Variants in TINAG observed in about 807,000 individuals in gnomAD.
TINAG encodes the protein tubulointerstitial nephritis antigen.
A neutral mutation model predicts 72.7 loss-of-function variants in TINAG; 83 were observed. The observed-to-expected ratio is 1.14, with a 90% CI of 0.96 to 1.37. The LOEUF (loss-of-function observed/expected upper bound fraction) is 1.37. TINAG is among the 40% of genes most tolerant of loss of function. The pLI is 0.00. For synonymous variants in TINAG, 234 were observed against 189.9 expected (o/e 1.23, Z -1.91); for missense variants, 685 against 576.6 (o/e 1.19, Z -1.93).
At chr6:54,325,931 A>C (rs546172103) in intron 3 of TINAG, among the ~76,000 whole-genome samples, 3 of 152,312 alleles carry the variant, frequency 2.0e-5, no homozygotes, top group African/African-American at 7.2e-5. Context: ...TCAATGATTC[A>C]TAAGAGCCTA....
Position 54,351,374 on chromosome 6 carries a change from T to C in TINAG, c.1103T>C (p.Ile368Thr), listed in dbSNP as rs774708520. The C allele has an allele frequency of 1.4e-4, 219 of 1,610,178 alleles. No homozygotes were observed. The highest frequency in any genetic ancestry group is 1.8e-4 in the Non-Finnish European group (213 of 1,177,840). ...SSNETEIMKE[I>T]MQNGPVQAIM... ...CAGGAAACTGAGATAATGAAAGAAA[T>C]CATGCAAAATGGACCAGTTCAAGGT... The change falls in exon 8 of 11, where the codon ATC (isoleucine) becomes ACC (threonine). Residue 368 changes from isoleucine to threonine, a missense_variant. Physicochemically the swap from Ile to Thr is moderately conservative, Grantham distance 89. Transcript: ENST00000259782.
intron 4 of TINAG, among the ~76,000 whole-genome samples, chr6:54,335,407 A>G (rs1222546350): frequency 3.9e-5 from 6 of 152,198 alleles, no homozygotes; most frequent in Non-Finnish European, 8.8e-5. Context: ...AAGTAATTCC[A>G]GGAAAGCAAT....
chr6:54,355,215 A>T (rs1182596899), intron 9 of TINAG, among the ~76,000 whole-genome samples: 1 of 151,872 alleles, frequency 6.6e-6, no homozygotes, highest in Non-Finnish European at 1.5e-5. Flanking sequence ...TGGTTATGAG[A>T]CCACTTTCCC....
chr6:54,350,960 A>C (rs973477717), intron 7 of TINAG, among the ~76,000 whole-genome samples: 1 of 151,890 alleles, frequency 6.6e-6, no homozygotes, highest in African/African-American at 2.4e-5. Context: ...AGAGGGCTTC[A>C]TTAAACATTA....
chr6:54,318,723 G>C (rs956207816), intron 1 of TINAG, among the ~76,000 whole-genome samples: 3 of 152,126 alleles, frequency 2.0e-5, no homozygotes, highest in Admixed American at 6.6e-5. Context: ...TGTAAATGCT[G>C]TGTGGGAAAT....
intron 4 of TINAG, among the ~76,000 whole-genome samples, chr6:54,342,927 C>T (rs950334706): frequency 7.2e-5 from 11 of 152,074 alleles, no homozygotes; most frequent in Non-Finnish European, 2.9e-5. Context: ...TATGGATGAG[C>T]AAAACTCTGA....
At chr6:54,385,358 T>A (rs1244802369) in intron 10 of TINAG, among the ~76,000 whole-genome samples, 1 of 151,996 alleles carries the variant, frequency 6.6e-6, no homozygotes, top group African/African-American at 2.4e-5. Context: ...TAAGAGGATA[T>A]TATTAAAAAG....
intron 1 of TINAG, among the ~76,000 whole-genome samples, chr6:54,320,286 T>A (rs1222989778): frequency 6.6e-6 from 1 of 152,076 alleles, no homozygotes; most frequent in African/African-American, 2.4e-5. Context: ...TTAAAAGCAT[T>A]AATTATTTTT....
upstream of TINAG, chr6:54,307,919 T>G: frequency 1.1e-6 from 1 of 902,316 alleles, no homozygotes; most frequent in Non-Finnish European, 1.7e-6. Flanking sequence ...CTCAGGGAAT[T>G]TCTTGCTGAA....
intron 3 of TINAG, among the ~76,000 whole-genome samples, chr6:54,325,829 C>T (rs761398012): frequency 1.1e-4 from 16 of 152,076 alleles, no homozygotes; most frequent in Non-Finnish European, 1.8e-4. Context: ...TAAATTGTAA[C>T]CAAGTTTCTA....
At chr6:54,363,215 G>A (rs958503577) in intron 9 of TINAG, among the ~76,000 whole-genome samples, 2 of 151,612 alleles carry the variant, frequency 1.3e-5, no homozygotes, top group African/African-American at 4.8e-5. Flanking sequence ...TTTTGTCGAG[G>A]ATGTTAAGTA....
chr6:54,343,411 G>A lies in TINAG; in HGVS notation c.748+62G>A, dbSNP rs1167851768. The stretch of plus-strand genomic sequence containing the variant: ...CTCCTTTTGGCTCTAGAGACTGAGA[G>A]AATAATTGAACAATTTTAACAATTA... On this transcript the variant is annotated intron_variant, in intron 5 of 10. Transcript: ENST00000259782. 4 of 1,326,044 alleles carry A rather than the reference G, an allele frequency of 3.0e-6. No homozygotes were observed. The African/African-American group carries it at 6.0e-5, about 20-fold the overall frequency. 82.1% of individuals were successfully genotyped at this position (1,326,044 alleles called of 1,614,324 possible).
At chr6:54,341,840 A>G (rs1785002801) in intron 4 of TINAG, among the ~76,000 whole-genome samples, 1 of 152,194 alleles carries the variant, frequency 6.6e-6, no homozygotes, top group Non-Finnish European at 1.5e-5. Context: ...GCAGTTAAGA[A>G]TTTAGAAGCC....
At chr6:54,316,223 C>T (rs927219683) in intron 1 of TINAG, among the ~76,000 whole-genome samples, 6 of 152,094 alleles carry the variant, frequency 3.9e-5, no homozygotes, top group Non-Finnish European at 8.8e-5. Flanking sequence ...AATATCAGTC[C>T]TAGAGAGCCA....
intron 8 of TINAG, 36 bp from the exon 9 acceptor site, chr6:54,354,477 A>G: frequency 1.3e-6 from 2 of 1,571,174 alleles, no homozygotes; most frequent in Non-Finnish European, 1.7e-6. Flanking sequence ...TGATATTTTA[A>G]TACTGTGCCA....
intron 9 of TINAG, among the ~76,000 whole-genome samples, chr6:54,368,349 A>C (rs1045337172): frequency 1.6e-4 from 23 of 147,846 alleles, no homozygotes; most frequent in East Asian, 1.4e-3. Context: ...TTAAATATTA[A>C]ATAATAGTTA....
In TINAG at chr6:54,333,616, TA is replaced by T. The variant is rs1311589916; in HGVS notation, c.624+6714del. On this transcript the variant is annotated intron_variant, in intron 4 of 10. Transcript: ENST00000259782. ...ATGTATCCCAGAACTTGAAGTATAA[TA>T]AAAAAAAAAAAAATAAAATAAAATA... 3.9e-3 allele frequency among the ~76,000 whole-genome samples: 532 copies of T among 138,150 alleles called. 1 individual carries two copies. The highest frequency in any genetic ancestry group is 0.011 in the African/African-American group (351 of 32,600). 90.6% of individuals were successfully genotyped at this position (138,150 alleles called of 152,430 possible).
chr6:54,359,823 G>T (rs1291561371), intron 9 of TINAG, among the ~76,000 whole-genome samples: 1 of 151,692 alleles, frequency 6.6e-6, no homozygotes, highest in Non-Finnish European at 1.5e-5. Context: ...TTCCTGATTT[G>T]GTAATTACTA....
intron 4 of TINAG, among the ~76,000 whole-genome samples, chr6:54,338,048 AC>A (rs1417282442): frequency 2.6e-5 from 4 of 152,120 alleles, no homozygotes; most frequent in African/African-American, 9.7e-5. Flanking sequence ...TCAGAATGGA[AC>A]CTCACACCCT....
Sources: gnomAD v4.1 joint callset for allele counts (sites outside exome capture counted in the v4.1 genomes callset) on GRCh38, gnomAD v4.1.1 for gene constraint, MANE v1.5 for transcripts, NCBI Gene and HGNC (gene_info 2026-07-23, HGNC 2026-07-21) for gene names.